Variants in AGBL4 observed in about 807,000 individuals in gnomAD.
AGBL4 encodes AGBL carboxypeptidase 4.
Under a neutral mutation model 66.4 loss-of-function variants are expected in AGBL4, and 58 were observed. The ratio of observed to expected loss-of-function variants is 0.87; its 90% CI spans 0.71 to 1.09. The LOEUF is 1.09. Ranked by LOEUF, AGBL4 falls within the 50% of genes least tolerant of loss-of-function variation. The pLI is 0.00. For synonymous variants in AGBL4, 234 were observed against 222.9 expected, an observed-to-expected ratio of 1.05 and a Z score of -0.44; for missense variants, 579 against 631.0, an observed-to-expected ratio of 0.92 and a Z score of 0.88.
chr1:49,426,526 T>C (rs777904914), intron 3 of AGBL4, among the ~76,000 whole-genome samples: 2 of 152,194 alleles, frequency 1.3e-5, no homozygotes, highest in Non-Finnish European at 2.9e-5. Context: ...ATAAGAGCAA[T>C]AGCTTCTGCC....
intron 2 of AGBL4, among the ~76,000 whole-genome samples, chr1:49,821,981 T>C (rs748828375): frequency 6.6e-6 from 1 of 152,174 alleles, no homozygotes; most frequent in Non-Finnish European, 1.5e-5. Flanking sequence ...TGAGTTTTCC[T>C]AGAAAAATAT....
At chr1:48,940,792 C>T (rs1387345842) in intron 5 of AGBL4, among the ~76,000 whole-genome samples, 2 of 152,198 alleles carry the variant, frequency 1.3e-5, no homozygotes, top group Admixed American at 1.3e-4. Context: ...AGCTTGCTCT[C>T]AATCATTGGT....
rs113237276 is a variant in AGBL4 at position 48,816,122 on chromosome 1, C to T, written c.634+51069G>A. Among the ~76,000 whole-genome samples the T allele has an allele frequency of 3.3e-3, 493 of 151,444 alleles. 8 individuals carry two copies. Among genetic ancestry groups the T allele is most frequent in the African/African-American group, 0.011 (433 of 41,208 alleles). ...AGAAAGAGAGAGAGACAGACAGACA[C>T]AGACAGACAGAGACAGAGAGCTAGA... On this transcript the variant is annotated intron_variant, in intron 6 of 13. Transcript: ENST00000371839.
In AGBL4 at chr1:49,419,501, T is replaced by C. The variant is rs567249809; in HGVS notation, c.283-173637A>G. 2.4e-4 allele frequency among the ~76,000 whole-genome samples: 36 copies of C among 152,192 alleles called. 1 individual carries two copies. Among genetic ancestry groups the C allele is most frequent in the African/African-American group, 7.7e-4 (32 of 41,526 alleles). On this transcript the variant is annotated intron_variant, in intron 3 of 13. Transcript: ENST00000371839. ...CTTCCTTAGCCCTTGTTTCTCAGAA[T>C]GAAAAAAAATATTTTCTGGATCCCT...
intron 5 of AGBL4, among the ~76,000 whole-genome samples, chr1:48,930,442 C>T (rs1297720632): frequency 6.6e-6 from 1 of 152,014 alleles, no homozygotes; most frequent in Non-Finnish European, 1.5e-5. Flanking sequence ...TTTGTTGACT[C>T]CCTATATGAT....
intron 4 of AGBL4, among the ~76,000 whole-genome samples, chr1:49,212,220 T>C (rs1309231257): frequency 6.6e-6 from 1 of 152,092 alleles, no homozygotes; most frequent in Admixed American, 6.6e-5. Flanking sequence ...TTTTCTCTCA[T>C]ATTTTCTAAA....
At chr1:49,564,220 G>A (rs983673740) in intron 3 of AGBL4, among the ~76,000 whole-genome samples, 8 of 152,066 alleles carry the variant, frequency 5.3e-5, no homozygotes, top group African/African-American at 1.9e-4. Flanking sequence ...AGTCTTGCTA[G>A]CAGTCTATCA....
chr1:49,095,892 G>C (rs939430251), intron 4 of AGBL4, among the ~76,000 whole-genome samples: 1 of 151,902 alleles, frequency 6.6e-6, no homozygotes, highest in South Asian at 2.1e-4. Flanking sequence ...TACCATCAGA[G>C]TGAACAGGCA....
chr1:49,101,178 A>G (rs1645193843), intron 4 of AGBL4, among the ~76,000 whole-genome samples: 2 of 150,544 alleles, frequency 1.3e-5, no homozygotes, highest in African/African-American at 4.9e-5. Flanking sequence ...CTTCTAAGGA[A>G]CTTTTTATTC....
rs531417154 is a variant in AGBL4, at chr1:49,111,314, G to A, written c.378-65514C>T. 5.5e-4 allele frequency among the ~76,000 whole-genome samples: 83 copies of A among 152,150 alleles called. 1 individual carries two copies. Among genetic ancestry groups the A allele is most frequent in the African/African-American group, 1.6e-3 (68 of 41,516 alleles). On this transcript the variant is annotated intron_variant, in intron 4 of 13. Transcript: ENST00000371839. The stretch of plus-strand genomic sequence containing the variant: ...CTTTTAGTAGAGACGAGGTTTCACC[G>A]TGTTAGCCAGGATGGTCTCAATCTC...
At chr1:49,134,427 A>C (rs949224996) in intron 4 of AGBL4, among the ~76,000 whole-genome samples, 3 of 150,564 alleles carry the variant, frequency 2.0e-5, no homozygotes, top group Non-Finnish European at 3.0e-5. Flanking sequence ...TTTTCTCCCT[A>C]TCTACAACTG....
chr1:48,707,417 GC>G (rs1557892807), intron 6 of AGBL4, among the ~76,000 whole-genome samples: 2 of 152,186 alleles, frequency 1.3e-5, no homozygotes, highest in Non-Finnish European at 2.9e-5. Flanking sequence ...CCCACTCAGA[GC>G]CATAACAGCA....
chr1:50,016,723 A>C (rs1378754101), intron 1 of AGBL4, among the ~76,000 whole-genome samples: 1 of 152,220 alleles, frequency 6.6e-6, no homozygotes, highest in Non-Finnish European at 1.5e-5. Context: ...GAGAAATGCA[A>C]ATCAAAACCA....
intron 3 of AGBL4, among the ~76,000 whole-genome samples, chr1:49,574,378 G>T (rs550424921): frequency 6.6e-6 from 1 of 152,056 alleles, no homozygotes; most frequent in Non-Finnish European, 1.5e-5. Context: ...GCTGAAATAC[G>T]GATTAAAAGA....
intron 3 of AGBL4, among the ~76,000 whole-genome samples, chr1:49,598,448 C>G (rs1466730441): frequency 6.6e-6 from 1 of 152,198 alleles, no homozygotes; most frequent in Non-Finnish European, 1.5e-5. Flanking sequence ...GGACCTTCAG[C>G]TGCAGGTCTG....
intron 5 of AGBL4, among the ~76,000 whole-genome samples, chr1:48,896,856 A>G (rs1277369213): frequency 1.3e-5 from 2 of 152,144 alleles, no homozygotes; most frequent in African/African-American, 4.8e-5. Flanking sequence ...TAATTAGACA[A>G]TGATACAAAA....
In AGBL4 at chr1:49,972,119, A is replaced by G. The variant is rs145651868; in HGVS notation, c.34+51644T>C. Reference sequence around the variant, plus strand: ...TTTTCAGTAGAGACGGGGTTTCACCATGTTAGCCAGGATGGTCTCGATCTC... The same window carrying G: ...TTTTCAGTAGAGACGGGGTTTCACCGTGTTAGCCAGGATGGTCTCGATCTC... On this transcript the variant is annotated intron_variant, in intron 1 of 13. Coordinates refer to ENST00000371839, the MANE Select transcript of AGBL4 (RefSeq NM_032785.4). Among the ~76,000 whole-genome samples the G allele has an allele frequency of 6.0e-3, 902 of 151,168 alleles. 23 individuals are homozygous for G. The highest frequency in any genetic ancestry group is 0.047 in the Admixed American group (712 of 15,180).
chr1:48,952,187 G>A (rs77823874), intron 5 of AGBL4, among the ~76,000 whole-genome samples: 19 of 152,310 alleles, frequency 1.2e-4, no homozygotes, highest in Admixed American at 2.0e-4. Context: ...TGAATAACAC[G>A]TTTATCCATT....
At chr1:48,992,123 TC>T (rs1660647752) in intron 5 of AGBL4, among the ~76,000 whole-genome samples, 1 of 152,168 alleles carries the variant, frequency 6.6e-6, no homozygotes, top group African/African-American at 2.4e-5. Context: ...TTTGTATCTG[TC>T]CTTTTTGGGA....
Sources: gnomAD v4.1 joint callset for allele counts (sites outside exome capture counted in the v4.1 genomes callset) on GRCh38, gnomAD v4.1.1 for gene constraint, MANE v1.5 for transcripts, NCBI Gene and HGNC (gene_info 2026-07-23, HGNC 2026-07-21) for gene names.